The following SDK1 variants were observed in gnomAD, a reference collection of about 807,000 sequenced individuals.
SDK1 encodes protein sidekick-1.
Under a neutral mutation model 245.5 loss-of-function variants are expected in SDK1, and 157 were observed. The observed-to-expected ratio is 0.64, with a 90% CI of 0.56 to 0.73. The LOEUF is 0.73. Among genes scored for constraint, SDK1 ranks in the 30% least tolerant of loss-of-function variants. The pLI is 0.00. For missense variants in SDK1, 3,583 were observed against 3,002.3 expected (o/e 1.19, Z -4.52); for synonymous variants, 1,647 against 1,278.5 (o/e 1.29, Z -6.15).
At chr7:3,481,280 A>G (rs184194954) in intron 1 of SDK1, among the ~76,000 whole-genome samples, 1 of 152,238 alleles carries the variant, frequency 6.6e-6, no homozygotes, top group African/African-American at 2.4e-5. Context: ...GTTCAAGATC[A>G]CACAATTAGT....
intron 1 of SDK1, among the ~76,000 whole-genome samples, chr7:3,550,566 A>G (rs145442873): frequency 2.6e-5 from 4 of 152,170 alleles, no homozygotes; most frequent in Non-Finnish European, 4.4e-5. Flanking sequence ...TTGCCTATTT[A>G]TCATATCTTT....
intron 1 of SDK1, among the ~76,000 whole-genome samples, chr7:3,462,023 C>G (rs1276778560): frequency 6.6e-6 from 1 of 152,140 alleles, no homozygotes; most frequent in Non-Finnish European, 1.5e-5. Context: ...CTAACTACTG[C>G]ACCCTACCTC....
chr7:3,468,691 C>T (rs546684864), intron 1 of SDK1, among the ~76,000 whole-genome samples: 14 of 152,238 alleles, frequency 9.2e-5, no homozygotes, highest in South Asian at 2.1e-4. Context: ...GCTGGGTTTC[C>T]GAACTCAGTC....
At chr7:4,243,880 GAA>G (rs1786676476) in intron 43 of SDK1, among the ~76,000 whole-genome samples, 1 of 152,188 alleles carries the variant, frequency 6.6e-6, no homozygotes, top group Admixed American at 6.5e-5. Flanking sequence ...AAATATCTTA[GAA>G]ATACGGGCAC....
chr7:4,180,102 G>C (rs1434780970), intron 35 of SDK1, among the ~76,000 whole-genome samples: 1 of 152,058 alleles, frequency 6.6e-6, no homozygotes, highest in East Asian at 1.9e-4. Context: ...GGGAAACTGG[G>C]GAGTCGCGCC....
At chr7:4,234,651 G>T (rs781461135) in intron 41 of SDK1, among the ~76,000 whole-genome samples, 4 of 152,148 alleles carry the variant, frequency 2.6e-5, no homozygotes, top group Non-Finnish European at 5.9e-5. Context: ...AACCCTGGCC[G>T]CACCTTAGGG....
chr7:4,136,797 A>G (rs1779125843), intron 28 of SDK1, among the ~76,000 whole-genome samples: 1 of 152,226 alleles, frequency 6.6e-6, no homozygotes, highest in Non-Finnish European at 1.5e-5. Context: ...GCTTATTACG[A>G]AGGGTGTGCG....
intron 22 of SDK1, among the ~76,000 whole-genome samples, chr7:4,098,797 G>A (rs888063932): frequency 6.7e-6 from 1 of 150,254 alleles, no homozygotes; most frequent in African/African-American, 2.5e-5. Flanking sequence ...CCGAGTAGCT[G>A]GGATTACAGG....
In SDK1 at chr7:3,572,277, C is replaced by T. The variant is rs188529111; in HGVS notation, c.299-46803C>T. Among the ~76,000 whole-genome samples the T allele has an allele frequency of 6.6e-4, 100 of 152,086 alleles. 2 individuals are homozygous for T. Among genetic ancestry groups the T allele is most frequent in the Admixed American group, 2.2e-3 (34 of 15,280 alleles). On this transcript the variant is annotated intron_variant, in intron 1 of 44. Transcript: ENST00000404826. The stretch of plus-strand genomic sequence containing the variant: ...CTTTAGTTTGTTTAATGGAATGTCA[C>T]AAATTTCGGTCAAGTAAGGTGTTTT...
In SDK1 at chr7:3,389,764, C is replaced by CAA. The variant is rs1781701429; in HGVS notation, c.298+87885_298+87886dup. Reference sequence around the variant, plus strand: ...CCTGGGCAACAGAAATAAACAAAAACAAAAAACTAACGTGGAAGTTGGTAC... The same window carrying CAA: ...CCTGGGCAACAGAAATAAACAAAAACAAAAAAAACTAACGTGGAAGTTGGTAC... On this transcript the variant is annotated intron_variant, in intron 1 of 44. Transcript: ENST00000404826. Among the ~76,000 whole-genome samples the CAA allele has an allele frequency of 1.1e-4, 16 of 149,880 alleles. No individual in the cohort carries two copies. The South Asian group carries it at 3.4e-3, about 32-fold the overall frequency.
intron 4 of SDK1, among the ~76,000 whole-genome samples, chr7:3,696,578 G>A (rs567084881): frequency 5.9e-5 from 9 of 151,262 alleles, no homozygotes; most frequent in African/African-American, 2.2e-4. Context: ...GTGTTTGTGT[G>A]TGTGTGTGTG....
chr7:4,029,323 G>A (rs1377091714), intron 17 of SDK1, among the ~76,000 whole-genome samples: 2 of 147,906 alleles, frequency 1.4e-5, no homozygotes, highest in East Asian at 2.0e-4. Context: ...CAATTCTTGT[G>A]CCTCAGCCTC....
chr7:4,027,185 G>A (rs1417101365), intron 17 of SDK1, among the ~76,000 whole-genome samples: 1 of 152,154 alleles, frequency 6.6e-6, no homozygotes, highest in South Asian at 2.1e-4. Flanking sequence ...GAAGGCTGCC[G>A]AGCACCCAGG....
intron 7 of SDK1, 117 bp from the exon 8 acceptor site, chr7:3,958,814 C>G (rs1286499029): frequency 2.5e-6 from 2 of 814,564 alleles, no homozygotes; most frequent in Non-Finnish European, 2.0e-6. Context: ...ACGATGCTAA[C>G]TAATGATGAA....
intron 9 of SDK1, among the ~76,000 whole-genome samples, chr7:3,964,624 A>G (rs2128130591): frequency 6.6e-6 from 1 of 152,254 alleles, no homozygotes; most frequent in South Asian, 2.1e-4. Flanking sequence ...TTTCTTTTTA[A>G]TCTTCCATGG....
At chr7:4,164,090 C>T (rs1781341958) in intron 32 of SDK1, among the ~76,000 whole-genome samples, 1 of 152,174 alleles carries the variant, frequency 6.6e-6, no homozygotes, top group South Asian at 2.1e-4. Flanking sequence ...GAAAGAATGT[C>T]CCAGTGTCTC....
intron 1 of SDK1, among the ~76,000 whole-genome samples, chr7:3,515,705 G>T (rs1266413394): frequency 6.6e-6 from 1 of 152,116 alleles, no homozygotes; most frequent in Non-Finnish European, 1.5e-5. Flanking sequence ...GAGAAATGTT[G>T]ATGTAAATTT....
intron 14 of SDK1, among the ~76,000 whole-genome samples, chr7:3,988,094 C>G (rs1312230761): frequency 1.3e-5 from 2 of 151,136 alleles, no homozygotes; most frequent in African/African-American, 4.9e-5. Context: ...CACGGCCTCT[C>G]CAGCTTAACT....
At chr7:3,766,712 A>G (rs549755990) in intron 4 of SDK1, among the ~76,000 whole-genome samples, 7 of 152,218 alleles carry the variant, frequency 4.6e-5, no homozygotes, top group Non-Finnish European at 1.0e-4. Flanking sequence ...TATTAATACT[A>G]GCTGTTACAA....
Sources: allele counts gnomAD v4.1 joint callset (sites outside exome capture counted in the v4.1 genomes callset), GRCh38; gene constraint gnomAD v4.1.1; transcripts MANE v1.5; gene names NCBI Gene and HGNC (gene_info 2026-07-23, HGNC 2026-07-21).